CFAP251: variants seen among roughly 807,000 people sequenced by gnomAD.
CFAP251 encodes cilia and flagella associated protein 251, also known as cilia- and flagella-associated protein 251.
In CFAP251, 93 loss-of-function variants were observed where a neutral mutation model predicts 126.7. That is an observed-to-expected ratio of 0.73 (90% CI 0.62 to 0.87). The LOEUF (loss-of-function observed/expected upper bound fraction) is 0.87. Ranked by LOEUF, CFAP251 falls within the 40% of genes least tolerant of loss-of-function variation. The pLI, the probability that CFAP251 is intolerant of heterozygous loss-of-function variation, is 0.00. For synonymous variants in CFAP251, 503 were observed against 506.9 expected, an observed-to-expected ratio of 0.99 and a Z score of 0.10; for missense variants, 1,287 against 1,389.2, an observed-to-expected ratio of 0.93 and a Z score of 1.17.
intron 19 of CFAP251, among the ~76,000 whole-genome samples, chr12:121,991,331 C>T (rs569452498): frequency 2.6e-5 from 4 of 152,180 alleles, no homozygotes; most frequent in Non-Finnish European, 4.4e-5. Context: ...GAGCGTGCAC[C>T]GCAGCTGCCA....
intron 7 of CFAP251, among the ~76,000 whole-genome samples, chr12:121,945,634 T>C (rs1454324907): frequency 1.3e-5 from 2 of 151,640 alleles, no homozygotes; most frequent in Non-Finnish European, 2.9e-5. Context: ...TAAGCCACCG[T>C]GCCCGGCCAG....
chr12:121,925,048 ACTC>A (rs968121214), intron 3 of CFAP251, among the ~76,000 whole-genome samples: 40 of 145,656 alleles, frequency 2.7e-4, no homozygotes, highest in Non-Finnish European at 5.4e-4. Context: ...ACATTGTAAA[ACTC>A]CTCCTTCATG....
At position 121,954,180 on chromosome 12, in the gene CFAP251, A is replaced by G; in HGVS notation, c.1381A>G (p.Ile461Val). The part of the protein sequence containing the change: ...QSIFHLNLTQ[I>V]LSATMEGKLV... ...CATCTTTCACTTGAATTTAACACAAATACTCTCAGCCACAATGGAAGGGAA... is the reference window on the plus strand; with the variant it reads ...CATCTTTCACTTGAATTTAACACAAGTACTCTCAGCCACAATGGAAGGGAA... The change falls in exon 10 of 22, where the codon ATA becomes GTA. Residue 461 changes from isoleucine to valine, a missense_variant. Transcript: ENST00000288912. The G allele has an allele frequency of 6.2e-7, 1 of 1,614,148 alleles. No individual in the cohort carries two copies. Among genetic ancestry groups the G allele is most frequent in the South Asian group, 1.1e-5 (1 of 91,090 alleles).
chr12:121,960,796 CTG>C (rs760965491), intron 14 of CFAP251, 38 bp downstream of exon 14: 2 of 1,606,324 alleles, frequency 1.2e-6, no homozygotes, highest in South Asian at 2.2e-5. Context: ...GTCGCCAAGA[CTG>C]TGTCTCACTC....
At chr12:121,949,598 T>A (rs1881451276) in intron 8 of CFAP251, 1 of 151,864 alleles carries the variant, frequency 6.6e-6, no homozygotes, top group Non-Finnish European at 1.5e-5. Context: ...TAAAAAACAT[T>A]GAGGCTGAGC....
chr12:121,959,204 A>T (rs1374225947), intron 13 of CFAP251, 110 bp downstream of exon 13: 1 of 1,149,308 alleles, frequency 8.7e-7, no homozygotes, highest in Non-Finnish European at 1.2e-6. Context: ...TGGGAGGCCG[A>T]GGTGGGAGGA....
intron 7 of CFAP251, among the ~76,000 whole-genome samples, chr12:121,946,362 G>C (rs1284335863): frequency 6.6e-6 from 1 of 152,202 alleles, no homozygotes; most frequent in Non-Finnish European, 1.5e-5. Context: ...AATGTTCATG[G>C]ACAAGTCTTT....
intron 19 of CFAP251, among the ~76,000 whole-genome samples, chr12:121,985,535 CAAA>C (rs59999924): frequency 1.6e-5 from 1 of 62,514 alleles, no homozygotes. Flanking sequence ...GACTCCATCT[CAAA>C]AAAAAAAAAA....
intron 21 of CFAP251, 146 bp downstream of exon 21, chr12:122,001,744 A>G (rs954919866): frequency 1.5e-6 from 1 of 685,854 alleles, no homozygotes; most frequent in African/African-American, 1.8e-5. Context: ...TCCCACATGA[A>G]TAAGTTATGA....
At chr12:121,968,552 C>A (rs2135793475) in intron 17 of CFAP251, among the ~76,000 whole-genome samples, 1 of 152,230 alleles carries the variant, frequency 6.6e-6, no homozygotes, top group East Asian at 1.9e-4. Flanking sequence ...ACCCTCCCTG[C>A]CCTGAATGGA....
chr12:121,931,571 C>T (rs767233242), intron 3 of CFAP251, among the ~76,000 whole-genome samples, 175 bp from the exon 4 acceptor site: 13 of 152,234 alleles, frequency 8.5e-5, no homozygotes, highest in Non-Finnish European at 1.2e-4. Context: ...CCTCAGCCTC[C>T]CAAAGTGCTG....
rs2135810810 is a variant in CFAP251, at chr12:121,989,206, A to G, written c.3007-10510A>G. 2.6e-5 allele frequency among the ~76,000 whole-genome samples: 4 copies of G among 152,350 alleles called. No homozygotes were observed. The South Asian group carries it at 8.3e-4, about 32-fold the overall frequency. On this transcript the variant is annotated intron_variant, in intron 19 of 21. Coordinates refer to ENST00000288912, the MANE Select transcript of CFAP251 (RefSeq NM_144668.6). This position sits in a 1 kb window ranked among gnomAD's most constrained non-coding sequence, Gnocchi z 4.2. ...AGGACTGTCTCTTTCAGACCTTTGA[A>G]AACATTCACTGGGAAGGGAAGAGTC...
At chr12:121,943,057 T>A in intron 7 of CFAP251, 82 bp downstream of exon 7, 1 of 1,460,504 alleles carries the variant, frequency 6.8e-7, no homozygotes. Context: ...CTCACACCTG[T>A]AATCCCAGAA....
rs770999762 is a variant in CFAP251 at position 121,951,543 on chromosome 12, A to G, written c.1320+13A>G. ...TTTAACTGAAAAAGTGAGTATGCCT[A>G]TTGCATTTTTGTCCATCAGATTTTG... is the stretch of plus-strand genomic sequence containing the variant. On this transcript the variant is annotated intron_variant, in intron 9 of 21. Coordinates refer to ENST00000288912, the MANE Select transcript of CFAP251 (RefSeq NM_144668.6). 3.2e-6 allele frequency: 5 copies of G among 1,575,068 alleles called. No homozygotes were observed. Among genetic ancestry groups the G allele is most frequent in the Non-Finnish European group, 4.4e-6 (5 of 1,149,374 alleles).
chr12:121,953,163 C>A (rs1237093944), intron 9 of CFAP251: 1 of 152,208 alleles, frequency 6.6e-6, no homozygotes, highest in Non-Finnish European at 1.5e-5. Context: ...TCACAGCATT[C>A]TTTTGCTTAG....
intron 15 of CFAP251, among the ~76,000 whole-genome samples, chr12:121,963,730 C>T (rs1882026903): frequency 1.3e-5 from 2 of 150,614 alleles, no homozygotes; most frequent in South Asian, 4.4e-4. Flanking sequence ...TTCCCTCATC[C>T]ACAGCCCTGC....
At chr12:121,964,082 T>C (rs1319291320) in intron 15 of CFAP251, among the ~76,000 whole-genome samples, 1 of 152,130 alleles carries the variant, frequency 6.6e-6, no homozygotes, top group Non-Finnish European at 1.5e-5. Context: ...GCTTGAAGAC[T>C]ATCATGGTTT....
chr12:121,977,897 T>A (rs1283651597), intron 19 of CFAP251, among the ~76,000 whole-genome samples: 1 of 149,944 alleles, frequency 6.7e-6, no homozygotes, highest in Non-Finnish European at 1.5e-5. Context: ...AGGCGGAGCT[T>A]GTAGTGAGCC....
intron 20 of CFAP251, 115 bp from the exon 21 acceptor site, chr12:122,001,382 G>GAA: frequency 9.7e-7 from 1 of 1,031,386 alleles, no homozygotes; most frequent in Non-Finnish European, 1.5e-6. Context: ...TTGAGTAAAA[G>GAA]AAAAAAAAAT....
Sources: gnomAD v4.1 joint callset for allele counts (sites outside exome capture counted in the v4.1 genomes callset) on GRCh38, gnomAD v4.1.1 for gene constraint, Gnocchi (gnomAD v3.1) non-coding constraint, MANE v1.5 for transcripts, NCBI Gene and HGNC (gene_info 2026-07-23, HGNC 2026-07-21) for gene names.